CKAP2: variants seen among roughly 807,000 people sequenced by gnomAD.
CKAP2 encodes cytoskeleton-associated protein 2.
In CKAP2, 46 loss-of-function variants were observed where a neutral mutation model predicts 58.4. That is an observed-to-expected ratio of 0.79 (90% CI 0.62 to 1.01). The LOEUF (loss-of-function observed/expected upper bound fraction) is 1.01. Ranked by LOEUF, CKAP2 falls within the 50% of genes least tolerant of loss-of-function variation. The pLI is 0.00. For missense variants in CKAP2, 809 were observed against 796.4 expected, an observed-to-expected ratio of 1.02 and a Z score of -0.19; for synonymous variants, 293 against 280.9, an observed-to-expected ratio of 1.04 and a Z score of -0.43.
chr13:52,474,929 TC>T lies in CKAP2; in HGVS notation c.1839del (p.Ala614HisfsTer5). The T allele has an allele frequency of 6.2e-7, 1 of 1,611,198 alleles. No homozygotes were observed. ...AAAGGTGCAGTTTGATGGAACAAAT[TC>T]CGCATTTAAAGAGCTGAAGTTTTTA... The part of the protein sequence containing the change: ...KKKVQFDGTN[S>X]AFKELKFLTP... On this transcript the variant is annotated frameshift_variant, in exon 9 of 9. Transcript: ENST00000258607. LOFTEE classifies it high-confidence loss of function.
Position 52,455,578 on chromosome 13 carries a change from C to G in CKAP2, c.22C>G (p.Gln8Glu). The G allele has an allele frequency of 6.2e-7, 1 of 1,612,466 alleles. No individual in the cohort carries two copies. Residue 8 changes from glutamine (Q) to glutamate (E), a missense_variant, in exon 1 of 9, where the codon CAG becomes GAG. By Grantham distance (29) the Gln-to-Glu change is conservative (BLOSUM62 2). This residue lies in a region of CKAP2 where 523 missense variants were observed against 492.4 expected (regional missense o/e 1.06). Transcript: ENST00000258607. MSTPAVP[Q>E]DLQLPPSQRA... ...TACGATGAGCACACCGGCCGTGCCC[C>G]AGGACCTGCAGCTGCCCCCGAGTCA...
intron 6 of CKAP2, among the ~76,000 whole-genome samples, chr13:52,468,053 G>A (rs1958706975): frequency 6.6e-6 from 1 of 151,986 alleles, no homozygotes; most frequent in South Asian, 2.1e-4. Flanking sequence ...CTCGTGATCT[G>A]CCCGTCTAGG....
At chr13:52,468,448 T>G (rs1323345542) in intron 7 of CKAP2, 101 bp downstream of exon 7, 1 of 667,866 alleles carries the variant, frequency 1.5e-6, no homozygotes, top group Non-Finnish European at 2.5e-6. Flanking sequence ...GTGCAGGATG[T>G]GCAGGTTTGT....
rs1399191185 is a variant in CKAP2 at position 52,468,303 on chromosome 13, T to C, written c.1502T>C (p.Ile501Thr). 6.2e-7 allele frequency: 1 copy of C among 1,601,574 alleles called. No homozygotes were observed. The highest frequency in any genetic ancestry group is 2.2e-5 in the East Asian group (1 of 44,698). ...AQPIEEMRHTIVDILTMKSQE... is the reference protein window; with the variant it reads ...AQPIEEMRHTTVDILTMKSQE... ...CCTATTGAAGAGATGCGACACACGA[T>C]TGTAGATATTCTAACAATGAAGAGT... The change falls in exon 7 of 9, where the codon ATT becomes ACT. Residue 501 changes from isoleucine to threonine, a missense_variant. By Grantham distance (89) the Ile-to-Thr change is moderately conservative. Around this residue, in one of 3 missense-constraint regions of CKAP2, gnomAD observed 283 missense variants for 287.6 expected, o/e 0.98. Coordinates refer to ENST00000258607, the MANE Select transcript of CKAP2 (RefSeq NM_018204.5).
At position 52,455,527 on chromosome 13, in the gene CKAP2, C is replaced by T. The variant is rs763245835; in HGVS notation, c.-30C>T. The T allele has an allele frequency of 3.1e-6, 5 of 1,612,346 alleles. No individual in the cohort carries two copies. The highest frequency in any genetic ancestry group is 3.4e-6 in the Non-Finnish European group (4 of 1,179,386). ...AGGAAGTTCTATCTTGGCGCTAAAG[C>T]GGAGACGCATCCCCCGACCCGAGGC... is the stretch of plus-strand genomic sequence containing the variant. On this transcript the variant is annotated 5_prime_UTR_variant, in exon 1 of 9. Coordinates refer to ENST00000258607, the MANE Select transcript of CKAP2 (RefSeq NM_018204.5).
Position 52,473,997 on chromosome 13 carries a change from C to T in CKAP2, c.1715C>T (p.Pro572Leu). The change falls in exon 8 of 9, where the codon CCA (proline) becomes CTA (leucine). Residue 572 changes from proline to leucine, a missense_variant. Transcript: ENST00000258607. ...GAGCAAGACAACAAAACAAAAGATC[C>T]AACCCATGATGTTAAAACCCCCAAT... is the stretch of plus-strand genomic sequence containing the variant. ...EKEQDNKTKD[P>L]THDVKTPNTE... is the part of the protein sequence containing the mutation. The T allele has an allele frequency of 6.2e-7, 1 of 1,613,960 alleles. No homozygotes were observed. The highest frequency in any genetic ancestry group is 8.5e-7 in the Non-Finnish European group (1 of 1,179,934).
In CKAP2 at chr13:52,461,540, T is replaced by G; in HGVS notation, c.714T>G (p.Thr238=). Residue 238 remains threonine (T), a synonymous_variant, in exon 4 of 9, where the codon ACT becomes ACG. Transcript: ENST00000258607. ...KSNRSSNMTA[T]TKFVSTTSQN... ...ATAGATCCTCCAATATGACTGCCAC[T>G]ACTAAATTTGTGAGCACTACATCTC... 1 of 1,614,186 alleles carries G rather than the reference T, an allele frequency of 6.2e-7. No individual in the cohort carries two copies. Among genetic ancestry groups the G allele is most frequent in the Non-Finnish European group, 8.5e-7 (1 of 1,180,036 alleles).
chr13:52,473,089 G>A lies in CKAP2; in HGVS notation c.1547-740G>A, dbSNP rs1958781900. Among the ~76,000 whole-genome samples the A allele has an allele frequency of 2.0e-5, 3 of 151,508 alleles. No homozygotes were observed. In the South Asian group the frequency reaches 6.2e-4, roughly 32 times the overall value. On this transcript the variant is annotated intron_variant, in intron 7 of 8. Transcript: ENST00000258607. ...TGTTCTCAGAAATATTTCTCAGATT[G>A]GACCCTTCCTTTCCTATCTGATCTC... is the stretch of plus-strand genomic sequence containing the variant.
chr13:52,458,977 A>G (rs1453394073), intron 2 of CKAP2, among the ~76,000 whole-genome samples: 1 of 152,232 alleles, frequency 6.6e-6, no homozygotes, highest in African/African-American at 2.4e-5. Context: ...ATATTTTACA[A>G]TCTCTAAAGT....
In CKAP2 at chr13:52,465,376, T is replaced by C; in HGVS notation, c.1387T>C (p.Trp463Arg). 2 of 1,613,358 alleles carry C rather than the reference T, an allele frequency of 1.2e-6. No homozygotes were observed. The highest frequency in any genetic ancestry group is 1.7e-6 in the Non-Finnish European group (2 of 1,179,448). Reference protein sequence around the residue: ...IPDAKKLVKYWICLALIEPIT... With the variant: ...IPDAKKLVKYRICLALIEPIT... ...AGATGCCAAAAAGCTTGTTAAGTAT[T>C]GGATATGTCTTGCACTTATTGAACC... Residue 463 changes from tryptophan (W) to arginine (R), a missense_variant, in exon 6 of 9, where the codon TGG becomes CGG. By Grantham distance (101) the Trp-to-Arg change is moderately radical. Transcript: ENST00000258607.
Position 52,455,511 on chromosome 13 carries a change from T to G in CKAP2, c.-46T>G. ...CGGCGGCGGTGGTCTGAGGAAGTTC[T>G]ATCTTGGCGCTAAAGCGGAGACGCA... On this transcript the variant is annotated 5_prime_UTR_variant, in exon 1 of 9. Transcript: ENST00000258607. The G allele has an allele frequency of 6.2e-7, 1 of 1,610,666 alleles. No homozygotes were observed.
chr13:52,462,020 C>CT, intron 4 of CKAP2, 94 bp downstream of exon 4: 1 of 1,209,872 alleles, frequency 8.3e-7, no homozygotes. Context: ...TTAGAATTTT[C>CT]TTTCATGGTT....
chr13:52,461,138 T>G lies in CKAP2; in HGVS notation c.312T>G (p.Pro104=). 6.2e-7 allele frequency: 1 copy of G among 1,613,088 alleles called. No homozygotes were observed. Among genetic ancestry groups the G allele is most frequent in the Non-Finnish European group, 8.5e-7 (1 of 1,179,768 alleles). The change falls in exon 4 of 9, where the codon CCT becomes CCG. Residue 104 remains proline (P), a synonymous_variant. Coordinates refer to ENST00000258607, the MANE Select transcript of CKAP2 (RefSeq NM_018204.5). The stretch of plus-strand genomic sequence containing the variant: ...GGAAACATTGTATTCCTTTAAAACC[T>G]TCAAATGAACTAACCAATTCAACTG... ...VVGKHCIPLK[P]SNELTNSTVV...
chr13:52,455,570 C>G lies in CKAP2; in HGVS notation c.14C>G (p.Ala5Gly), dbSNP rs769700308. ...CCCGAGGCTACGATGAGCACACCGGCCGTGCCCCAGGACCTGCAGCTGCCC... is the reference window on the plus strand; with the variant it reads ...CCCGAGGCTACGATGAGCACACCGGGCGTGCCCCAGGACCTGCAGCTGCCC... MSTP[A>G]VPQDLQLPPS... The change falls in exon 1 of 9, where the codon GCC becomes GGC. Residue 5 changes from alanine (A) to glycine (G), a missense_variant. Physicochemically the swap from Ala to Gly is moderately conservative, Grantham distance 60. Coordinates refer to ENST00000258607, the MANE Select transcript of CKAP2 (RefSeq NM_018204.5). 6.2e-7 allele frequency: 1 copy of G among 1,612,844 alleles called. No individual in the cohort carries two copies. The highest frequency in any genetic ancestry group is 8.5e-7 in the Non-Finnish European group (1 of 1,179,794).
intron 6 of CKAP2, among the ~76,000 whole-genome samples, chr13:52,466,040 T>C (rs1263442846): frequency 1.3e-5 from 2 of 151,764 alleles, no homozygotes; most frequent in Non-Finnish European, 2.9e-5. Context: ...TACACATATA[T>C]ACACACACAC....
chr13:52,462,349 G>C lies in CKAP2; in HGVS notation c.1101-14G>C, dbSNP rs1958599249. The stretch of plus-strand genomic sequence containing the variant: ...CAATTTCAAAGTAACGTTTATATCT[G>C]CTTCTAACTATAGAGCTCGTCTGAG... On this transcript the variant is annotated splice_polypyrimidine_tract_variant and intron_variant, in intron 4 of 8. Transcript: ENST00000258607. 2 of 1,606,072 alleles carry C rather than the reference G, an allele frequency of 1.2e-6. No individual in the cohort carries two copies. Among genetic ancestry groups the C allele is most frequent in the South Asian group, 1.1e-5 (1 of 88,984 alleles).
Position 52,475,389 on chromosome 13 carries a change from C to A in CKAP2, c.*248C>A. 1 of 433,070 alleles carries A rather than the reference C, an allele frequency of 2.3e-6. No homozygotes were observed. The highest frequency in any genetic ancestry group is 4.1e-6 in the Non-Finnish European group (1 of 243,704). 26.8% of individuals were successfully genotyped at this position (433,070 alleles called of 1,614,324 possible). On this transcript the variant is annotated 3_prime_UTR_variant, in exon 9 of 9. Coordinates refer to ENST00000258607, the MANE Select transcript of CKAP2 (RefSeq NM_018204.5). ...CTTTAAGAAAGGTAAATTTTGTCAG[C>A]TAGTTTACTATGTTCCTTGAATATA...
chr13:52,468,400 G>A, intron 7 of CKAP2, 53 bp downstream of exon 7: 1 of 1,140,392 alleles, frequency 8.8e-7, no homozygotes, highest in African/African-American at 1.6e-5. Flanking sequence ...TTTTTTTGTT[G>A]TTGTTTTTTA....
In CKAP2 at chr13:52,455,489, C is replaced by G; in HGVS notation, c.-68C>G. 6.3e-7 allele frequency: 1 copy of G among 1,581,804 alleles called. No individual in the cohort carries two copies. The highest frequency in any genetic ancestry group is 8.7e-7 in the Non-Finnish European group (1 of 1,152,280). On this transcript the variant is annotated 5_prime_UTR_variant, in exon 1 of 9. Coordinates refer to ENST00000258607, the MANE Select transcript of CKAP2 (RefSeq NM_018204.5). The stretch of plus-strand genomic sequence containing the variant: ...GGCTTAGCCGCGGTGCAGACTGCGG[C>G]GGCGGTGGTCTGAGGAAGTTCTATC...
Sources: allele counts gnomAD v4.1 joint callset (sites outside exome capture counted in the v4.1 genomes callset), GRCh38; gene constraint gnomAD v4.1.1; regional missense constraint gnomAD v4.1.1; transcripts MANE v1.5; gene names NCBI Gene and HGNC (gene_info 2026-07-23, HGNC 2026-07-21).